The following UBE2G2 variants were observed in gnomAD, a reference collection of about 807,000 sequenced individuals.
UBE2G2 encodes ubiquitin conjugating enzyme E2 G2.
Under a neutral mutation model 23.0 loss-of-function variants are expected in UBE2G2, and 10 were observed. That is an observed-to-expected ratio of 0.43 (90% CI 0.27 to 0.74). UBE2G2 has a LOEUF of 0.74. UBE2G2 is among the 30% of genes least tolerant of loss of function. The pLI is 0.19. For missense variants in UBE2G2, 150 were observed against 218.3 expected, an observed-to-expected ratio of 0.69 and a Z score of 1.97; for synonymous variants, 86 against 81.3, an observed-to-expected ratio of 1.06 and a Z score of -0.31.
At chr21:44,801,670 C>T (rs1430841829) in intron 1 of UBE2G2, 36 bp downstream of exon 1, 70 of 1,504,018 alleles carry the variant, frequency 4.7e-5, no homozygotes, top group Non-Finnish European at 5.4e-5. Context: ...AGCAGGAACG[C>T]GGGACGCTGC....
At chr21:44,794,863 A>G (rs1177295831) in intron 1 of UBE2G2, among the ~76,000 whole-genome samples, 1 of 152,156 alleles carries the variant, frequency 6.6e-6, no homozygotes, top group African/African-American at 2.4e-5. Context: ...AATCAACACA[A>G]TTTTGAAAGA....
Position 44,788,066 on chromosome 21 carries a change from C to G in UBE2G2, c.73G>C (p.Val25Leu). ...GTTAACTTTGGTACCTTACCTGCTA[C>G]AATTCCTTCCGGAGGATTCAGTGTT... ...QLTLNPPEGI[V>L]AGPMNEENFF... is the part of the protein sequence containing the mutation. The change falls in exon 2 of 6, where the codon GTA becomes CTA. Residue 25 changes from valine to leucine, a missense_variant. By Grantham distance (32) the Val-to-Leu change is conservative. Transcript: ENST00000345496. The G allele has an allele frequency of 6.2e-7, 1 of 1,611,212 alleles. No homozygotes were observed. The highest frequency in any genetic ancestry group is 8.5e-7 in the Non-Finnish European group (1 of 1,178,798).
chr21:44,779,514 C>G (rs1355392156), intron 3 of UBE2G2, among the ~76,000 whole-genome samples: 1 of 152,018 alleles, frequency 6.6e-6, no homozygotes, highest in Non-Finnish European at 1.5e-5. Flanking sequence ...AGTACCCCCC[C>G]CGGCCCACAC....
At chr21:44,780,746 C>G (rs1555961218) in intron 3 of UBE2G2, among the ~76,000 whole-genome samples, 1 of 152,228 alleles carries the variant, frequency 6.6e-6, no homozygotes, top group Non-Finnish European at 1.5e-5. Flanking sequence ...TTGTCACTGT[C>G]CTCCTCCAGA....
chr21:44,785,919 C>T (rs554706107), intron 3 of UBE2G2: 4 of 152,328 alleles, frequency 2.6e-5, no homozygotes, highest in Admixed American at 2.0e-4. Flanking sequence ...CTTTTTAAGA[C>T]AGGTTTTCAA....
At chr21:44,794,866 T>C (rs1439688652) in intron 1 of UBE2G2, among the ~76,000 whole-genome samples, 1 of 152,010 alleles carries the variant, frequency 6.6e-6, no homozygotes, top group Non-Finnish European at 1.5e-5. Flanking sequence ...CAACACAATT[T>C]TGAAAGAAGC....
At chr21:44,780,084 A>T (rs1555961129) in intron 3 of UBE2G2, among the ~76,000 whole-genome samples, 18 of 152,148 alleles carry the variant, frequency 1.2e-4, no homozygotes, top group South Asian at 2.1e-4. Context: ...GGCTTTCTTT[A>T]AAAAAAATTT....
chr21:44,771,307 G>T lies in UBE2G2; in HGVS notation c.*70C>A. The stretch of plus-strand genomic sequence containing the variant: ...TTTGGTACCAGCACAGAGCATCACT[G>T]TCACTAAGTGTGCCGGGGGAGAATG... On this transcript the variant is annotated 3_prime_UTR_variant, in exon 6 of 6. Coordinates refer to ENST00000345496, the MANE Select transcript of UBE2G2 (RefSeq NM_003343.6). The surrounding 1 kb of genome is among the most constrained non-coding windows in gnomAD (Gnocchi z 4.6). 1 of 1,424,936 alleles carries T rather than the reference G, an allele frequency of 7.0e-7. No individual in the cohort carries two copies. Among genetic ancestry groups the T allele is most frequent in the Non-Finnish European group, 9.8e-7 (1 of 1,017,450 alleles). 88.3% of individuals were successfully genotyped at this position (1,424,936 alleles called of 1,614,324 possible). A position where few individuals can be genotyped will look rare whatever the true frequency, so the allele number is the denominator to read the frequency against.
intron 1 of UBE2G2, among the ~76,000 whole-genome samples, chr21:44,793,367 C>A (rs1196734800): frequency 6.6e-6 from 1 of 152,326 alleles, no homozygotes; most frequent in East Asian, 1.9e-4. Context: ...CTGCGTGACA[C>A]CCTCCCTTAG....
intron 1 of UBE2G2, among the ~76,000 whole-genome samples, chr21:44,799,285 CAA>C (rs1470123745): frequency 2.6e-5 from 4 of 152,242 alleles, no homozygotes; most frequent in Admixed American, 2.6e-4. Context: ...TAGCCCCTAA[CAA>C]GAGTCGCCCT....
chr21:44,797,668 T>C (rs1186794585), intron 1 of UBE2G2, among the ~76,000 whole-genome samples: 2 of 121,060 alleles, frequency 1.7e-5, no homozygotes, highest in Non-Finnish European at 3.4e-5. Context: ...TGAGTCAAGA[T>C]TGCGCCACTG....
Position 44,777,855 on chromosome 21 carries a change from G to T in UBE2G2, c.126-438C>A, listed in dbSNP as rs963227980. On this transcript the variant is annotated intron_variant, in intron 3 of 5. Transcript: ENST00000345496. ...TAAATAATAAAAATGCACACAAAAA[G>T]ATTATCTAAGTAACAATGAATTGGT... Among the ~76,000 whole-genome samples the T allele has an allele frequency of 1.5e-4, 23 of 152,226 alleles. 1 individual carries two copies. Among genetic ancestry groups the T allele is most frequent in the Admixed American group, 1.4e-3 (21 of 15,286 alleles).
At chr21:44,796,968 G>A (rs1438045008) in intron 1 of UBE2G2, among the ~76,000 whole-genome samples, 1 of 152,268 alleles carries the variant, frequency 6.6e-6, no homozygotes, top group East Asian at 1.9e-4. Flanking sequence ...CTGCTTTTGA[G>A]CCTTATGTTA....
In UBE2G2 at chr21:44,777,532, G is replaced by A. The variant is rs572323644; in HGVS notation, c.126-115C>T. On this transcript the variant is annotated intron_variant, in intron 3 of 5. Coordinates refer to ENST00000345496, the MANE Select transcript of UBE2G2 (RefSeq NM_003343.6). ...ACTTTAAAAATGCACGTGAGGCCGG[G>A]TGCGGTGGCTCACGCCTGTAATCCC... 76 of 1,066,098 alleles carry A rather than the reference G, an allele frequency of 7.1e-5. 1 individual carries two copies. In the African/African-American group the frequency reaches 9.5e-4, roughly 13 times the overall value. 66.0% of individuals were successfully genotyped at this position (1,066,098 alleles called of 1,614,324 possible).
rs2082882425 is a variant in UBE2G2, at chr21:44,772,638, C to T, written c.385+909G>A. 6.6e-6 allele frequency among the ~76,000 whole-genome samples: 1 copy of T among 152,082 alleles called. No homozygotes were observed. Among genetic ancestry groups the T allele is most frequent in the African/African-American group, 2.4e-5 (1 of 41,382 alleles). ...TTTTGTGGATGGAGGCCCCTTGTCC[C>T]ACACACCTCAAACTATTCCCCAAAT... On this transcript the variant is annotated intron_variant, in intron 5 of 5. Coordinates refer to ENST00000345496, the MANE Select transcript of UBE2G2 (RefSeq NM_003343.6). This position sits in a 1 kb window ranked among gnomAD's most constrained non-coding sequence, Gnocchi z 5.4.
At chr21:44,785,462 C>T (rs1027012977) in intron 3 of UBE2G2, among the ~76,000 whole-genome samples, 1 of 152,234 alleles carries the variant, frequency 6.6e-6, no homozygotes. Flanking sequence ...CAGACAAGGG[C>T]CCTAACATAT....
intron 5 of UBE2G2, among the ~76,000 whole-genome samples, chr21:44,773,068 A>G (rs1229695829): frequency 2.0e-5 from 3 of 151,874 alleles, no homozygotes; most frequent in African/African-American, 4.8e-5. Context: ...CTCCTACCTC[A>G]TCAACACCTA....
chr21:44,788,187 A>G (rs2083011875), intron 1 of UBE2G2, 92 bp from the exon 2 acceptor site: 1 of 1,251,760 alleles, frequency 8.0e-7, no homozygotes, highest in South Asian at 1.5e-5. Context: ...ATAAGCCTAT[A>G]AACCATAGAA....
rs112214515 is a variant in UBE2G2 at position 44,772,309 on chromosome 21, G to A, written c.386-820C>T. Among the ~76,000 whole-genome samples the A allele has an allele frequency of 9.9e-5, 15 of 152,086 alleles. No individual in the cohort carries two copies. Among genetic ancestry groups the A allele is most frequent in the African/African-American group, 3.4e-4 (14 of 41,492 alleles). ...CACTCAGCACATGAAGAGGGTTCAC[G>A]CCTCAGCCCTCTCAGGATACACACT... On this transcript the variant is annotated intron_variant, in intron 5 of 5. Transcript: ENST00000345496. The surrounding 1 kb of genome is among the most constrained non-coding windows in gnomAD (Gnocchi z 5.4).
Sources: gnomAD v4.1 joint callset for allele counts (sites outside exome capture counted in the v4.1 genomes callset) on GRCh38, gnomAD v4.1.1 for gene constraint, Gnocchi (gnomAD v3.1) non-coding constraint, MANE v1.5 for transcripts, NCBI Gene and HGNC (gene_info 2026-07-23, HGNC 2026-07-21) for gene names.